Variants in CENPF observed in about 807,000 individuals in gnomAD.
CENPF encodes the protein AH antigen.
CENPF carries 214 observed loss-of-function variants against 307.3 expected under a neutral mutation model. That is an observed-to-expected ratio of 0.70 (90% CI 0.62 to 0.78). CENPF has a LOEUF of 0.78. Ranked by LOEUF, CENPF falls within the 30% of genes least tolerant of loss-of-function variation. The pLI is 0.00. For synonymous variants in CENPF, 1,259 were observed against 1,270.6 expected (o/e 0.99, Z 0.19); for missense variants, 3,401 against 3,483.9 (o/e 0.98, Z 0.60).
At chr1:214,637,691 C>T (rs1010378819) in intron 10 of CENPF, among the ~76,000 whole-genome samples, 175 bp from the exon 11 acceptor site, 3 of 152,120 alleles carry the variant, frequency 2.0e-5, no homozygotes, top group Non-Finnish European at 2.9e-5. Context: ...GTCTTCTGTT[C>T]ATAACATTAT....
intron 12 of CENPF, among the ~76,000 whole-genome samples, 192 bp from the exon 13 acceptor site, chr1:214,644,365 G>A (rs1378950403): frequency 6.6e-6 from 1 of 152,234 alleles, no homozygotes; most frequent in Non-Finnish European, 1.5e-5. Flanking sequence ...GCCCATAGGG[G>A]CCACTTACTG....
chr1:214,646,184 T>G lies in CENPF; in HGVS notation c.6614T>G (p.Leu2205Arg), dbSNP rs143686774. The change falls in exon 13 of 20, where the codon CTT (leucine) becomes CGT (arginine). Residue 2205 changes from leucine (L) to arginine (R), a missense_variant. Coordinates refer to ENST00000366955, the MANE Select transcript of CENPF (RefSeq NM_016343.4). Reference sequence around the variant, plus strand: ...AGCCTGAAAGTTTTTGAATTAGACCTTGTCACGTTAAGGTCTGAAAAAGAA... The same window carrying G: ...AGCCTGAAAGTTTTTGAATTAGACCGTGTCACGTTAAGGTCTGAAAAAGAA... ...ARSLKVFELDLVTLRSEKENL... is the reference protein window; with the variant it reads ...ARSLKVFELDRVTLRSEKENL... 6.2e-7 allele frequency: 1 copy of G among 1,613,214 alleles called. No individual in the cohort carries two copies. The highest frequency in any genetic ancestry group is 1.3e-5 in the African/African-American group (1 of 74,724).
intron 7 of CENPF, among the ~76,000 whole-genome samples, chr1:214,627,031 G>T (rs182779656): frequency 1.5e-4 from 23 of 152,264 alleles, no homozygotes; most frequent in Admixed American, 1.3e-3. Flanking sequence ...ATACTGCTGA[G>T]AATACAGCTC....
At position 214,615,109 on chromosome 1, in the gene CENPF, AATT is replaced by A. The variant is rs1657300105; in HGVS notation, c.359+87_359+89del. The stretch of plus-strand genomic sequence containing the variant: ...CGTTTGTCTTTTCCTTTAACAATAT[AATT>A]ATTATACTTTGCAATTTTTTTTCCT... On this transcript the variant is annotated intron_variant, in intron 3 of 19. Transcript: ENST00000366955. 17 of 1,035,028 alleles carry A rather than the reference AATT, an allele frequency of 1.6e-5. No homozygotes were observed. In the South Asian group the frequency reaches 2.2e-4, roughly 13 times the overall value. 64.1% of individuals were successfully genotyped at this position (1,035,028 alleles called of 1,614,324 possible). A position where few individuals can be genotyped will look rare whatever the true frequency, so the allele number is the denominator to read the frequency against.
chr1:214,639,921 C>T lies in CENPF; in HGVS notation c.1583C>T (p.Ala528Val), dbSNP rs764054565. The part of the protein sequence containing the change: ...QSQNFAEEMK[A>V]KNTSQETMLR... ...ACGACTTTTATTTATTTTTAAATAGCGAAGAATACCTCTCAGGAAACCATG... is the reference window on the plus strand; with the variant it reads ...ACGACTTTTATTTATTTTTAAATAGTGAAGAATACCTCTCAGGAAACCATG... Residue 528 changes from alanine (A) to valine (V), a missense_variant and splice_region_variant, in exon 12 of 20, where the codon GCG becomes GTG. Transcript: ENST00000366955. 22 of 1,479,570 alleles carry T rather than the reference C, an allele frequency of 1.5e-5. No homozygotes were observed. The Admixed American group carries it at 1.6e-4, about 11-fold the overall frequency. 91.7% of individuals were successfully genotyped at this position (1,479,570 alleles called of 1,614,324 possible).
intron 1 of CENPF, among the ~76,000 whole-genome samples, chr1:214,606,393 C>G (rs1271282768): frequency 5.9e-5 from 9 of 152,164 alleles, no homozygotes; most frequent in Non-Finnish European, 1.0e-4. Flanking sequence ...TGGCGCCTCT[C>G]CTCCTGATCA....
At chr1:214,608,799 G>T in intron 1 of CENPF, 5 of 1,599,640 alleles carry the variant, frequency 3.1e-6, no homozygotes, top group Non-Finnish European at 4.2e-6. Flanking sequence ...AGGGCGGGCA[G>T]CAGAAGAGGC....
intron 13 of CENPF, chr1:214,648,372 TGTTTAA>T (rs1658369086): frequency 6.2e-6 from 3 of 487,310 alleles, no homozygotes; most frequent in Admixed American, 2.7e-5. Context: ...TAATCTTTGA[TGTTTAA>T]GTTTAATTCA....
intron 7 of CENPF, among the ~76,000 whole-genome samples, chr1:214,627,455 C>T (rs1296934715): frequency 7.0e-6 from 1 of 142,244 alleles, no homozygotes; most frequent in East Asian, 2.1e-4. Context: ...CTCACTGCAA[C>T]CTCCGCCTCC....
chr1:214,641,618 G>C lies in CENPF; in HGVS notation c.3280G>C (p.Glu1094Gln), dbSNP rs1202670231. 1 of 1,561,462 alleles carries C rather than the reference G, an allele frequency of 6.4e-7. No individual in the cohort carries two copies. Among genetic ancestry groups the C allele is most frequent in the Admixed American group, 2.1e-5 (1 of 46,854 alleles). ...CTTAACAAAATTAGCATTTGCTGAAGAAAGAAATCAGAATCTGATGCTAGA... is the reference window on the plus strand; with the variant it reads ...CTTAACAAAATTAGCATTTGCTGAACAAAGAAATCAGAATCTGATGCTAGA... Reference protein sequence around the residue: ...EFLTKLAFAEERNQNLMLELE... With the variant: ...EFLTKLAFAEQRNQNLMLELE... Residue 1094 changes from glutamate to glutamine, a missense_variant, in exon 12 of 20, where the codon GAA becomes CAA. By Grantham distance (29) the Glu-to-Gln change is conservative. Transcript: ENST00000366955.
intron 3 of CENPF, among the ~76,000 whole-genome samples, chr1:214,616,881 C>A (rs1252873442): frequency 2.9e-5 from 3 of 103,870 alleles, no homozygotes; most frequent in African/African-American, 1.2e-4. Context: ...TTCTTTCTTT[C>A]TTTCTTTCTT....
intron 2 of CENPF, among the ~76,000 whole-genome samples, chr1:214,614,301 G>C (rs1657278001): frequency 6.6e-6 from 1 of 152,146 alleles, no homozygotes. Flanking sequence ...TCTGGGGACA[G>C]TATTAGAGCA....
At position 214,646,627 on chromosome 1, in the gene CENPF, G is replaced by T; in HGVS notation, c.7057G>T (p.Glu2353Ter). The change falls in exon 13 of 20, where the codon GAG (glutamate) becomes TAG (stop). Residue 2353 changes from glutamate to a stop codon, truncating the protein, a stop_gained. Transcript: ENST00000366955. LOFTEE classifies it high-confidence loss of function. ...RELEIARTNQ[E>*]HAALEAENSK... is the part of the protein sequence containing the mutation. Reference sequence around the variant, plus strand: ...GCTAGAGATAGCCAGGACAAACCAAGAGCATGCAGCTCTTGAGGCAGAGAA... The same window carrying T: ...GCTAGAGATAGCCAGGACAAACCAATAGCATGCAGCTCTTGAGGCAGAGAA... 1 of 1,614,072 alleles carries T rather than the reference G, an allele frequency of 6.2e-7. No homozygotes were observed. The highest frequency in any genetic ancestry group is 1.1e-5 in the South Asian group (1 of 91,074).
At position 214,643,016 on chromosome 1, in the gene CENPF, C is replaced by G; in HGVS notation, c.4678C>G (p.Arg1560Gly). 1 of 1,608,470 alleles carries G rather than the reference C, an allele frequency of 6.2e-7. No homozygotes were observed. The highest frequency in any genetic ancestry group is 8.5e-7 in the Non-Finnish European group (1 of 1,178,466). ...EELESLCEVYRQSLEKLEEKM... is the reference protein window; with the variant it reads ...EELESLCEVYGQSLEKLEEKM... The stretch of plus-strand genomic sequence containing the variant: ...GCTTGAGTCCCTCTGTGAGGTGTAC[C>G]GGCAGTCCCTCGAGAAGCTAGAAGA... Residue 1560 changes from arginine to glycine, a missense_variant, in exon 12 of 20, where the codon CGG becomes GGG. Arg to Gly is a moderately radical substitution (Grantham distance 125). Coordinates refer to ENST00000366955, the MANE Select transcript of CENPF (RefSeq NM_016343.4).
At chr1:214,616,835 CTCT>C (rs1657354296) in intron 3 of CENPF, among the ~76,000 whole-genome samples, 3 of 68,510 alleles carry the variant, frequency 4.4e-5, no homozygotes, top group African/African-American at 1.7e-4. Flanking sequence ...TCCTTCCTTC[CTCT>C]TTCTTTCTTT....
In CENPF at chr1:214,663,900, A is replaced by G; in HGVS notation, c.*106A>G. 1.2e-6 allele frequency: 1 copy of G among 830,898 alleles called. No individual in the cohort carries two copies. Among genetic ancestry groups the G allele is most frequent in the Non-Finnish European group, 1.9e-6 (1 of 537,616 alleles). 51.5% of individuals were successfully genotyped at this position (830,898 alleles called of 1,614,324 possible). ...CAGGGCATGCTTTATTAGTGAGGAGAAAACAATTCCTTAGAAGTCTTAAAT... is the reference window on the plus strand; with the variant it reads ...CAGGGCATGCTTTATTAGTGAGGAGGAAACAATTCCTTAGAAGTCTTAAAT... On this transcript the variant is annotated 3_prime_UTR_variant, in exon 20 of 20. Coordinates refer to ENST00000366955, the MANE Select transcript of CENPF (RefSeq NM_016343.4).
chr1:214,633,971 A>G (rs974116608), intron 10 of CENPF, among the ~76,000 whole-genome samples: 1 of 152,174 alleles, frequency 6.6e-6, no homozygotes, highest in Admixed American at 6.5e-5. Context: ...ACATTTTGTA[A>G]AAGCAATCAT....
intron 12 of CENPF, 90 bp downstream of exon 12, chr1:214,643,414 C>A: frequency 7.0e-6 from 8 of 1,151,030 alleles, no homozygotes; most frequent in South Asian, 3.0e-5. Context: ...GTACATTAAA[C>A]CTAAGTTAAA....
At position 214,663,872 on chromosome 1, in the gene CENPF, A is replaced by G; in HGVS notation, c.*78A>G. 8.8e-7 allele frequency: 1 copy of G among 1,131,262 alleles called. No homozygotes were observed. The highest frequency in any genetic ancestry group is 1.3e-6 in the Non-Finnish European group (1 of 782,644). The allele number at this position is 1,131,262 out of a possible 1,614,324, so 70.1% of individuals were successfully genotyped here. On this transcript the variant is annotated 3_prime_UTR_variant, in exon 20 of 20. Transcript: ENST00000366955. Reference sequence around the variant, plus strand: ...GGCTGTGCCTACAGGACTTCTCTTTAGTCAGGGCATGCTTTATTAGTGAGG... The same window carrying G: ...GGCTGTGCCTACAGGACTTCTCTTTGGTCAGGGCATGCTTTATTAGTGAGG...
Sources: gnomAD v4.1 joint callset for allele counts (sites outside exome capture counted in the v4.1 genomes callset) on GRCh38, gnomAD v4.1.1 for gene constraint, MANE v1.5 for transcripts, NCBI Gene and HGNC (gene_info 2026-07-23, HGNC 2026-07-21) for gene names.